Variants in ABCA12 observed in about 807,000 individuals in gnomAD.
ABCA12 encodes the protein ATP binding cassette subfamily A member 12.
In ABCA12, 156 loss-of-function variants were observed where a neutral mutation model predicts 293.5. That is an observed-to-expected ratio of 0.53 (90% CI 0.47 to 0.61). ABCA12 has a LOEUF of 0.61. Among genes scored for constraint, ABCA12 ranks in the 20% least tolerant of loss-of-function variants. The probability of loss-of-function intolerance (pLI) is 0.00; values close to 1 mark genes in which losing one functional copy is unlikely to be tolerated. For missense variants in ABCA12, 2,797 were observed against 3,090.2 expected, an observed-to-expected ratio of 0.91 and a Z score of 2.25; for synonymous variants, 1,063 against 1,108.0, an observed-to-expected ratio of 0.96 and a Z score of 0.81.
chr2:215,085,344 G>A (rs1243218662), intron 2 of ABCA12: 1 of 152,148 alleles, frequency 6.6e-6, no homozygotes, highest in African/African-American at 2.4e-5. Flanking sequence ...AGATTTGTGT[G>A]GTGTTAGCCC....
At chr2:215,007,025 G>A (rs577950636) in intron 19 of ABCA12, among the ~76,000 whole-genome samples, 3 of 151,898 alleles carry the variant, frequency 2.0e-5, no homozygotes, top group Admixed American at 6.6e-5. Context: ...ACAGGCGCCC[G>A]CCACCACATC....
chr2:215,027,115 C>T (rs1037294088), intron 9 of ABCA12, among the ~76,000 whole-genome samples, 177 bp from the exon 10 acceptor site: 3 of 152,090 alleles, frequency 2.0e-5, no homozygotes, highest in Non-Finnish European at 4.4e-5. Context: ...GAGGCCGAGA[C>T]GAGCGGATCA....
chr2:214,953,049 G>T (rs973967615), intron 44 of ABCA12, among the ~76,000 whole-genome samples: 52 of 152,182 alleles, frequency 3.4e-4, no homozygotes, highest in African/African-American at 1.2e-3. Context: ...CACAATTAGA[G>T]ATAGTCTATG....
At chr2:214,969,738 G>A (rs1329498758) in intron 37 of ABCA12, among the ~76,000 whole-genome samples, 1 of 151,886 alleles carries the variant, frequency 6.6e-6, no homozygotes, top group Non-Finnish European at 1.5e-5. Context: ...TATTAATCAT[G>A]GATATATATT....
intron 1 of ABCA12, among the ~76,000 whole-genome samples, chr2:215,130,668 A>G: frequency 6.6e-6 from 1 of 151,992 alleles, no homozygotes; most frequent in East Asian, 1.9e-4. Context: ...CATGGCATAT[A>G]CCTGTTCATC....
chr2:215,091,450 T>C (rs886226059), intron 2 of ABCA12, among the ~76,000 whole-genome samples: 1 of 152,168 alleles, frequency 6.6e-6, no homozygotes, highest in East Asian at 1.9e-4. Flanking sequence ...AGCCGACCTC[T>C]CCCAAATCAG....
chr2:215,122,753 T>A (rs902684479), intron 1 of ABCA12, among the ~76,000 whole-genome samples: 1 of 152,214 alleles, frequency 6.6e-6, no homozygotes, highest in Non-Finnish European at 1.5e-5. Context: ...TGTTGAAATT[T>A]GAAGTCACTC....
chr2:214,986,430 C>T lies in ABCA12; in HGVS notation c.4163+112G>A, dbSNP rs1025963059. ...TACAAGTTGAACCATCTTCCTCCAT[C>T]TGGGAAATGTAATAACTTTATGTTT... On this transcript the variant is annotated intron_variant, in intron 28 of 52. Coordinates refer to ENST00000272895, the MANE Select transcript of ABCA12 (RefSeq NM_173076.3). The T allele has an allele frequency of 4.6e-6, 5 of 1,079,060 alleles. No individual in the cohort carries two copies. In the African/African-American group the frequency reaches 7.9e-5, roughly 17 times the overall value. The allele number at this position is 1,079,060 out of a possible 1,614,324, so 66.8% of individuals were successfully genotyped here.
chr2:214,980,342 A>G, intron 31 of ABCA12, 141 bp downstream of exon 31: 1 of 1,224,032 alleles, frequency 8.2e-7, no homozygotes, highest in Non-Finnish European at 1.1e-6. Context: ...CAGGATTTCG[A>G]TGCTCACTCA....
chr2:214,982,410 T>C (rs762883710), intron 29 of ABCA12, 27 bp from the exon 30 acceptor site: 7 of 1,579,586 alleles, frequency 4.4e-6, no homozygotes, highest in Non-Finnish European at 8.7e-7. Context: ...TGATGGTTAT[T>C]TTTTTACAGA....
intron 18 of ABCA12, among the ~76,000 whole-genome samples, chr2:215,009,469 A>AG (rs1052793986): frequency 2.6e-5 from 4 of 152,114 alleles, no homozygotes; most frequent in Admixed American, 2.0e-4. Context: ...AAAAGTTAAA[A>AG]AAAATCAACA....
chr2:215,038,249 T>G (rs1445714990), intron 7 of ABCA12, among the ~76,000 whole-genome samples: 3 of 152,174 alleles, frequency 2.0e-5, no homozygotes, highest in Non-Finnish European at 2.9e-5. Context: ...TTTCTAATAA[T>G]TCTATAAAAT....
Position 215,088,937 on chromosome 2 carries a change from T to G in ABCA12, c.163+22660A>C, listed in dbSNP as rs370898798. 3.9e-5 allele frequency among the ~76,000 whole-genome samples: 6 copies of G among 152,318 alleles called. No homozygotes were observed. In the South Asian group the frequency reaches 1.0e-3, roughly 26 times the overall value. ...ATTTAACCATTCCATTAATCATTCA[T>G]GTATATCATTCATATATGTCCATCC... On this transcript the variant is annotated intron_variant, in intron 2 of 52. Coordinates refer to ENST00000272895, the MANE Select transcript of ABCA12 (RefSeq NM_173076.3).
intron 33 of ABCA12, among the ~76,000 whole-genome samples, chr2:214,977,789 A>C (rs1221334661): frequency 6.6e-6 from 1 of 152,084 alleles, no homozygotes; most frequent in East Asian, 1.9e-4. Context: ...CCCCAAAAGC[A>C]GTTTCTCAGC....
chr2:215,012,404 A>G (rs926008080), intron 15 of ABCA12, among the ~76,000 whole-genome samples: 1 of 152,234 alleles, frequency 6.6e-6, no homozygotes, highest in African/African-American at 2.4e-5. Context: ...AATCCAGGTG[A>G]GTGGACAAAG....
rs1187032187 is a variant in ABCA12 at position 215,049,723 on chromosome 2, C to T, written c.596G>A (p.Trp199Ter). 13 of 1,613,580 alleles carry T rather than the reference C, an allele frequency of 8.1e-6. No individual in the cohort carries two copies. Among genetic ancestry groups the T allele is most frequent in the Non-Finnish European group, 1.1e-5 (13 of 1,179,710 alleles). ...AAAAACATTTCTTCCTAGAAAGGTC[C>T]AAGAGAAGGCATCATCCACAATGTA... is the stretch of plus-strand genomic sequence containing the variant. ...SGYIVDDAFS[W>*]TFLGRNVFNK... The change falls in exon 6 of 53, where the codon TGG becomes TAG. Residue 199 changes from tryptophan to a stop codon, truncating the protein, a stop_gained. Transcript: ENST00000272895. LOFTEE classifies it high-confidence loss of function.
intron 13 of ABCA12, 34 bp from the exon 14 acceptor site, chr2:215,018,166 G>A: frequency 6.3e-7 from 1 of 1,599,912 alleles, no homozygotes; most frequent in Non-Finnish European, 8.5e-7. Context: ...GAAAACCCAT[G>A]TTGGTTTGTC....
chr2:214,997,822 C>T lies in ABCA12; in HGVS notation c.3180-13G>A, dbSNP rs1574972174. The T allele has an allele frequency of 6.4e-7, 1 of 1,569,338 alleles. No homozygotes were observed. The highest frequency in any genetic ancestry group is 1.4e-5 in the African/African-American group (1 of 73,670). On this transcript the variant is annotated splice_polypyrimidine_tract_variant and intron_variant, in intron 22 of 52. Coordinates refer to ENST00000272895, the MANE Select transcript of ABCA12 (RefSeq NM_173076.3). The stretch of plus-strand genomic sequence containing the variant: ...ACTGGTTAGGAAGCTGTAAAACAAA[C>T]AAAAAAAGAAAAATTCAGCGACCAA...
chr2:215,089,355 C>A (rs918843089), intron 2 of ABCA12, among the ~76,000 whole-genome samples: 1 of 151,970 alleles, frequency 6.6e-6, no homozygotes, highest in Non-Finnish European at 1.5e-5. Context: ...TACTAGGAAC[C>A]GCTACATTCA....
Sources: gnomAD v4.1 joint callset for allele counts (sites outside exome capture counted in the v4.1 genomes callset) on GRCh38, gnomAD v4.1.1 for gene constraint, MANE v1.5 for transcripts, NCBI Gene and HGNC (gene_info 2026-07-23, HGNC 2026-07-21) for gene names.